IL17RD: variants seen among roughly 807,000 people sequenced by gnomAD.
The protein encoded by IL17RD is interleukin-17 receptor D.
IL17RD carries 52 observed loss-of-function variants against 80.5 expected under a neutral mutation model. That is an observed-to-expected ratio of 0.65 (90% confidence interval 0.52 to 0.81). IL17RD has a LOEUF of 0.81. Among genes scored for constraint, IL17RD ranks in the 40% least tolerant of loss-of-function variants. The pLI is 0.00. For missense variants in IL17RD, 1,024 were observed against 955.1 expected, an observed-to-expected ratio of 1.07 and a Z score of -0.95; for synonymous variants, 416 against 391.8, an observed-to-expected ratio of 1.06 and a Z score of -0.73.
intron 4 of IL17RD, 67 bp downstream of exon 4, chr3:57,110,126 G>C: frequency 1.3e-6 from 2 of 1,535,788 alleles, no homozygotes; most frequent in Non-Finnish European, 1.8e-6. Context: ...TTCAGACTTT[G>C]AATACACTAT....
chr3:57,165,383 G>T, upstream of IL17RD: 2 of 1,080,438 alleles, frequency 1.9e-6, no homozygotes, highest in Non-Finnish European at 2.3e-6. Context: ...CGCGGCGGCA[G>T]CGAAGGGGAC....
chr3:57,155,894 AG>A (rs2060263912), intron 1 of IL17RD, among the ~76,000 whole-genome samples: 1 of 152,196 alleles, frequency 6.6e-6, no homozygotes, highest in Non-Finnish European at 1.5e-5. Context: ...CCTTGCCCAG[AG>A]GAACTTTTTA....
In IL17RD at chr3:57,093,381, G is replaced by T. The variant is rs1253419133; in HGVS notation, c.*3012C>A. ...AGTGTTGAAGTTGGGGGGCCAGAGAGTTTTCTTTCTTTTGGGAGAAGGGTG... is the reference window on the plus strand; with the variant it reads ...AGTGTTGAAGTTGGGGGGCCAGAGATTTTTCTTTCTTTTGGGAGAAGGGTG... On this transcript the variant is annotated 3_prime_UTR_variant, in exon 13 of 13. Transcript: ENST00000296318. 1.3e-5 allele frequency: 2 copies of T among 152,088 alleles called. No individual in the cohort carries two copies. Among genetic ancestry groups the T allele is most frequent in the South Asian group, 4.1e-4 (2 of 4,832 alleles). The allele number at this position is 152,088 out of a possible 1,614,324, so 9.4% of individuals were successfully genotyped here. A position where few individuals can be genotyped will look rare whatever the true frequency, so the allele number is the denominator to read the frequency against.
chr3:57,101,487 A>C, intron 10 of IL17RD, 124 bp from the exon 11 acceptor site: 1 of 595,742 alleles, frequency 1.7e-6, no homozygotes, highest in Non-Finnish European at 2.9e-6. Context: ...CCATTCCCCA[A>C]CTCCATCAGC....
chr3:57,142,512 C>T (rs757071547), intron 1 of IL17RD: 1 of 1,288,140 alleles, frequency 7.8e-7, no homozygotes, highest in South Asian at 1.2e-5. Flanking sequence ...GGCATCCCTC[C>T]CCCTCCAACC....
intron 1 of IL17RD, among the ~76,000 whole-genome samples, chr3:57,139,313 A>T (rs1707786983): frequency 6.6e-6 from 1 of 152,132 alleles, no homozygotes; most frequent in Non-Finnish European, 1.5e-5. Context: ...AGAATATTAA[A>T]CAGGCTACGG....
At chr3:57,142,530 C>G (rs1336743720) in intron 1 of IL17RD, 2 of 1,284,994 alleles carry the variant, frequency 1.6e-6, no homozygotes, top group Non-Finnish European at 2.0e-6. Flanking sequence ...ACCGCCCCGT[C>G]TGACCTCCCC....
At chr3:57,098,741 T>G (rs927867607) in intron 11 of IL17RD, among the ~76,000 whole-genome samples, 1 of 152,238 alleles carries the variant, frequency 6.6e-6, no homozygotes, top group Admixed American at 6.5e-5. Context: ...CTAGTCCCTC[T>G]GCAAAAACTT....
chr3:57,092,215 C>A lies in IL17RD; in HGVS notation c.*4178G>T, dbSNP rs1044879057. 5.2e-5 allele frequency: 8 copies of A among 152,632 alleles called. No individual in the cohort carries two copies. The highest frequency in any genetic ancestry group is 1.3e-4 in the Admixed American group (2 of 15,294). The allele number at this position is 152,632 out of a possible 1,614,324, so 9.5% of individuals were successfully genotyped here. A position where few individuals can be genotyped will look rare whatever the true frequency, so the allele number is the denominator to read the frequency against. ...TTTCCTAATCATGTCTTGGCCTATG[C>A]TCAGAATTGCACACCACCTGAAAAA... On this transcript the variant is annotated 3_prime_UTR_variant, in exon 13 of 13. Coordinates refer to ENST00000296318, the MANE Select transcript of IL17RD (RefSeq NM_017563.5).
chr3:57,112,095 A>G (rs985853417), intron 3 of IL17RD, among the ~76,000 whole-genome samples: 5 of 152,210 alleles, frequency 3.3e-5, no homozygotes, highest in Admixed American at 1.3e-4. Flanking sequence ...AGAGGCAGCA[A>G]ACGTAATTCC....
chr3:57,145,253 A>G (rs1707903343), intron 1 of IL17RD, among the ~76,000 whole-genome samples: 1 of 152,164 alleles, frequency 6.6e-6, no homozygotes, highest in Admixed American at 6.5e-5. Context: ...GGGCCCTAAA[A>G]GCTCCTGGCC....
intron 1 of IL17RD, among the ~76,000 whole-genome samples, chr3:57,133,599 G>C (rs1215097074): frequency 2.0e-5 from 3 of 152,338 alleles, no homozygotes; most frequent in Non-Finnish European, 4.4e-5. Context: ...GTCAATTTTA[G>C]ATTTTGATAA....
chr3:57,117,661 T>C (rs970672786), intron 2 of IL17RD, among the ~76,000 whole-genome samples: 1 of 152,238 alleles, frequency 6.6e-6, no homozygotes, highest in African/African-American at 2.4e-5. Context: ...AAACAAGTTA[T>C]TTCAGTTGAC....
At chr3:57,158,198 C>T (rs2060281050) in intron 1 of IL17RD, among the ~76,000 whole-genome samples, 1 of 152,130 alleles carries the variant, frequency 6.6e-6, no homozygotes, top group African/African-American at 2.4e-5. Flanking sequence ...TGCTTCCCTA[C>T]CATGTAGTAG....
chr3:57,126,086 T>C (rs1707452977), intron 1 of IL17RD, among the ~76,000 whole-genome samples: 1 of 152,250 alleles, frequency 6.6e-6, no homozygotes, highest in South Asian at 2.1e-4. Flanking sequence ...CCCAAGCTTT[T>C]AGCTACTATA....
At chr3:57,130,331 G>C (rs1707578629) in intron 1 of IL17RD, among the ~76,000 whole-genome samples, 2 of 152,206 alleles carry the variant, frequency 1.3e-5, no homozygotes, top group South Asian at 4.1e-4. Context: ...GGCTTTGCCA[G>C]TTCCCTGGGA....
At chr3:57,159,120 CTTCT>C (rs767714861) in intron 1 of IL17RD, among the ~76,000 whole-genome samples, 30 of 144,262 alleles carry the variant, frequency 2.1e-4, no homozygotes, top group Admixed American at 8.0e-4. Context: ...GTCGATATCT[CTTCT>C]TTTTTTTTTT....
Position 57,098,175 on chromosome 3 carries a change from G to A in IL17RD, c.1528C>T (p.His510Tyr). Residue 510 changes from histidine to tyrosine, a missense_variant, in exon 12 of 13, where the codon CAC (histidine) becomes TAC (tyrosine). Physicochemically the swap from His to Tyr is moderately conservative, Grantham distance 83 (BLOSUM62 2). Coordinates refer to ENST00000296318, the MANE Select transcript of IL17RD (RefSeq NM_017563.5). ...AGGCCGTGGTCTCGGGAGTGCAAGT[G>A]GGAACAGAGCTGAGGAAGATTGTCC... ...LMDNLPQLCS[H>Y]LHSRDHGLQE... 1 of 1,613,918 alleles carries A rather than the reference G, an allele frequency of 6.2e-7. No individual in the cohort carries two copies.
chr3:57,129,048 G>A (rs1022127932), intron 1 of IL17RD, among the ~76,000 whole-genome samples: 18 of 152,044 alleles, frequency 1.2e-4, no homozygotes, highest in African/African-American at 1.9e-4. Flanking sequence ...CTTTCCCTCC[G>A]CTTCGCACAC....
Sources: allele counts gnomAD v4.1 joint callset (sites outside exome capture counted in the v4.1 genomes callset), GRCh38; gene constraint gnomAD v4.1.1; transcripts MANE v1.5; gene names NCBI Gene and HGNC (gene_info 2026-07-23, HGNC 2026-07-21).